The following WDFY3 variants were observed in gnomAD, a reference collection of about 807,000 sequenced individuals.
The protein encoded by WDFY3 is WD repeat and FYVE domain-containing protein 3.
In WDFY3, 66 loss-of-function variants were observed where a neutral mutation model predicts 409.6. The observed-to-expected ratio is 0.16, with a 90% CI of 0.13 to 0.20. The LOEUF (loss-of-function observed/expected upper bound fraction) is 0.20. Among genes scored for constraint, WDFY3 ranks in the 10% least tolerant of loss-of-function variants. The pLI, the probability that WDFY3 is intolerant of heterozygous loss-of-function variation, is 1.00. For synonymous variants in WDFY3, 1,521 were observed against 1,537.1 expected (o/e 0.99, Z 0.25); for missense variants, 3,031 against 4,298.1 (o/e 0.71, Z 8.24).
At chr4:84,839,453 C>T (rs1757031884) in intron 6 of WDFY3, among the ~76,000 whole-genome samples, 1 of 152,078 alleles carries the variant, frequency 6.6e-6, no homozygotes, top group African/African-American at 2.4e-5. Context: ...CAACCCTCTC[C>T]ATTTGCCTGA....
chr4:84,912,860 T>G (rs1012975416), intron 2 of WDFY3, among the ~76,000 whole-genome samples: 2 of 152,174 alleles, frequency 1.3e-5, no homozygotes, highest in Non-Finnish European at 2.9e-5. Flanking sequence ...CAAATGCAGT[T>G]GGGTTTATAA....
chr4:84,825,949 C>A (rs1439811211), intron 10 of WDFY3, among the ~76,000 whole-genome samples: 1 of 152,010 alleles, frequency 6.6e-6, no homozygotes, highest in Non-Finnish European at 1.5e-5. Flanking sequence ...AACTAACTTG[C>A]ATAAGTATGT....
chr4:84,801,943 C>CT, intron 16 of WDFY3, 79 bp from the exon 17 acceptor site: 1 of 1,407,892 alleles, frequency 7.1e-7, no homozygotes, highest in Non-Finnish European at 9.7e-7. Flanking sequence ...TGAAGCATAC[C>CT]TTTTTAATTT....
At chr4:84,915,443 A>G (rs1768359460) in intron 2 of WDFY3, among the ~76,000 whole-genome samples, 1 of 152,200 alleles carries the variant, frequency 6.6e-6, no homozygotes, top group Non-Finnish European at 1.5e-5. Flanking sequence ...GCAAACATAA[A>G]CTAATATAGT....
At position 84,923,683 on chromosome 4, in the gene WDFY3, A is replaced by ACAC. The variant is rs1769584281; in HGVS notation, c.-132+8584_-132+8586dup. Among the ~76,000 whole-genome samples, 5 of 152,278 alleles carry ACAC rather than the reference A, an allele frequency of 3.3e-5. No individual in the cohort carries two copies. In the South Asian group the frequency reaches 1.0e-3, roughly 32 times the overall value. ...AAACATTCTTAGTAGCTGGTTCTAT[A>ACAC]CACCATGCCCCAAGCATGAAAATAA... On this transcript the variant is annotated intron_variant, in intron 2 of 67. Transcript: ENST00000295888.
chr4:84,934,864 A>T (rs552702285), intron 1 of WDFY3, among the ~76,000 whole-genome samples: 1 of 152,124 alleles, frequency 6.6e-6, no homozygotes, highest in South Asian at 2.1e-4. Context: ...TGTATTTATC[A>T]TTACTTTGCT....
chr4:84,866,651 A>G (rs1329616933), intron 3 of WDFY3, among the ~76,000 whole-genome samples: 1 of 152,226 alleles, frequency 6.6e-6, no homozygotes. Context: ...GGACCTCAAA[A>G]GGAACACTTA....
chr4:84,885,523 AT>A (rs1764102977), intron 3 of WDFY3, among the ~76,000 whole-genome samples: 1 of 152,172 alleles, frequency 6.6e-6, no homozygotes, highest in East Asian at 1.9e-4. Context: ...AATAGAAGAT[AT>A]TTAAAATATC....
intron 2 of WDFY3, among the ~76,000 whole-genome samples, chr4:84,902,928 T>C (rs759393621): frequency 6.6e-6 from 1 of 152,240 alleles, no homozygotes; most frequent in Non-Finnish European, 1.5e-5. Flanking sequence ...AAATAGCTTC[T>C]AACCAAGCAC....
At chr4:84,731,998 T>A (rs998748974) in intron 44 of WDFY3, among the ~76,000 whole-genome samples, 7 of 152,174 alleles carry the variant, frequency 4.6e-5, no homozygotes, top group African/African-American at 1.7e-4. Flanking sequence ...GAAAAAAGAT[T>A]AAGAACTGAA....
chr4:84,956,337 C>A (rs184580132), intron 1 of WDFY3, among the ~76,000 whole-genome samples: 1 of 152,110 alleles, frequency 6.6e-6, no homozygotes, highest in Admixed American at 6.6e-5. Flanking sequence ...ACTCAATGAT[C>A]GCTATTATTT....
rs773296863 is a variant in WDFY3, at chr4:84,739,040, C to G, written c.6544G>C (p.Asp2182His). 16 of 1,614,014 alleles carry G rather than the reference C, an allele frequency of 9.9e-6. No individual in the cohort carries two copies. The Admixed American group carries it at 2.3e-4, about 24-fold the overall frequency. The stretch of plus-strand genomic sequence containing the variant: ...CTAATATCTTGGCTGTAACTACCAT[C>G]TGGTTCAATGTCCGAGGGGATCATA... ...HIMIPSDIEP[D>H]GSYSQDISEG... Residue 2182 changes from aspartate to histidine, a missense_variant, in exon 40 of 68, where the codon GAT becomes CAT. By Grantham distance (81) the Asp-to-His change is moderately conservative. This residue lies in a region of WDFY3 where 314 missense variants were observed against 397.4 expected (regional missense o/e 0.79). Coordinates refer to ENST00000295888, the MANE Select transcript of WDFY3 (RefSeq NM_014991.6).
At chr4:84,749,275 C>T (rs1343656606) in intron 36 of WDFY3, among the ~76,000 whole-genome samples, 1 of 151,960 alleles carries the variant, frequency 6.6e-6, no homozygotes, top group Non-Finnish European at 1.5e-5. Flanking sequence ...TTCTGTTACA[C>T]CATTGGAAGA....
chr4:84,694,453 G>A (rs1170671820), intron 58 of WDFY3, among the ~76,000 whole-genome samples: 1 of 152,202 alleles, frequency 6.6e-6, no homozygotes, highest in Non-Finnish European at 1.5e-5. Context: ...CTACTTCAAA[G>A]TAGCACAAAA....
At chr4:84,708,535 T>G (rs969052062) in intron 53 of WDFY3, among the ~76,000 whole-genome samples, 1 of 150,228 alleles carries the variant, frequency 6.7e-6, no homozygotes, top group African/African-American at 2.4e-5. Flanking sequence ...CAACCGTAGT[T>G]TTTTTTTTTT....
intron 64 of WDFY3, among the ~76,000 whole-genome samples, chr4:84,679,890 A>G (rs1241923020): frequency 1.3e-5 from 2 of 151,066 alleles, no homozygotes; most frequent in Non-Finnish European, 2.9e-5. Context: ...ATATATATAT[A>G]TGTATGTATG....
chr4:84,745,375 T>G (rs1425184754), intron 36 of WDFY3, among the ~76,000 whole-genome samples: 1 of 152,218 alleles, frequency 6.6e-6, no homozygotes, highest in Non-Finnish European at 1.5e-5. Flanking sequence ...AACCTACTTA[T>G]TCTTGAATAG....
At chr4:84,943,560 C>T (rs983160513) in intron 1 of WDFY3, among the ~76,000 whole-genome samples, 2 of 151,952 alleles carry the variant, frequency 1.3e-5, no homozygotes, top group African/African-American at 2.4e-5. Flanking sequence ...GTGTATAAAT[C>T]GACGGTTTAT....
At chr4:84,849,004 A>G (rs1317643429) in intron 5 of WDFY3, among the ~76,000 whole-genome samples, 1 of 152,192 alleles carries the variant, frequency 6.6e-6, no homozygotes, top group Admixed American at 6.5e-5. Context: ...TTTCACAGCA[A>G]TAGTCAAAAA....
Sources: gnomAD v4.1 joint callset for allele counts (sites outside exome capture counted in the v4.1 genomes callset) on GRCh38, gnomAD v4.1.1 for gene constraint, gnomAD v4.1.1 regional missense constraint, MANE v1.5 for transcripts, NCBI Gene and HGNC (gene_info 2026-07-23, HGNC 2026-07-21) for gene names.